Variants in FHIT observed in about 807,000 individuals in gnomAD.
The protein encoded by FHIT is fragile histidine triad diadenosine triphosphatase.
A neutral mutation model predicts 17.9 loss-of-function variants in FHIT; 19 were observed. The ratio of observed to expected loss-of-function variants is 1.06; its 90% CI spans 0.74 to 1.56. The LOEUF is 1.56. Among genes scored for constraint, FHIT ranks in the 40% most tolerant of loss-of-function variants. The probability of loss-of-function intolerance (pLI) is 0.00; values close to 1 mark genes in which losing one functional copy is unlikely to be tolerated. For missense variants in FHIT, 248 were observed against 189.2 expected, an observed-to-expected ratio of 1.31 and a Z score of -1.82; for synonymous variants, 81 against 69.7, an observed-to-expected ratio of 1.16 and a Z score of -0.81.
intron 3 of FHIT, among the ~76,000 whole-genome samples, chr3:60,972,813 T>C (rs1209392007): frequency 2.6e-5 from 4 of 152,186 alleles, no homozygotes; most frequent in Admixed American, 1.3e-4. Context: ...TTCCAGATCA[T>C]GAATCCTCTC....
At chr3:60,724,656 T>TG (rs1279927355) in intron 4 of FHIT, among the ~76,000 whole-genome samples, 1 of 141,222 alleles carries the variant, frequency 7.1e-6, no homozygotes, top group East Asian at 2.0e-4. Context: ...TGTTTTTTTT[T>TG]TTTGTTTTTT....
intron 5 of FHIT, among the ~76,000 whole-genome samples, chr3:60,513,530 A>G (rs1242447765): frequency 6.6e-6 from 1 of 152,232 alleles, no homozygotes; most frequent in South Asian, 2.1e-4. Flanking sequence ...AAGGATAACA[A>G]AGATAAGATT....
chr3:60,526,489 G>A (rs1346643890), intron 5 of FHIT, among the ~76,000 whole-genome samples: 2 of 152,108 alleles, frequency 1.3e-5, no homozygotes, highest in Non-Finnish European at 2.9e-5. Context: ...ACCTGCTGAG[G>A]TTGGTGCTTC....
intron 5 of FHIT, among the ~76,000 whole-genome samples, chr3:60,022,216 C>A (rs904500872): frequency 2.0e-5 from 3 of 152,046 alleles, no homozygotes; most frequent in African/African-American, 7.2e-5. Flanking sequence ...GAGTACATGT[C>A]CTATTAATCA....
rs530821417 is a variant in FHIT, at chr3:60,510,607, C to T, written c.103+26253G>A. 2.3e-4 allele frequency among the ~76,000 whole-genome samples: 32 copies of T among 141,084 alleles called. No individual in the cohort carries two copies. In the East Asian group the frequency reaches 4.7e-3, roughly 21 times the overall value. The allele number at this position is 141,084 out of a possible 152,430, so 92.6% of individuals were successfully genotyped here. ...TTAGAAAATGAGATCTCATGGGAGA[C>T]GATAAAGACCAGGCTTCCAAGACAG... On this transcript the variant is annotated intron_variant, in intron 5 of 9. Coordinates refer to ENST00000492590, the MANE Select transcript of FHIT (RefSeq NM_002012.4).
intron 8 of FHIT, among the ~76,000 whole-genome samples, chr3:59,773,967 A>G (rs1702187720): frequency 6.6e-6 from 1 of 152,230 alleles, no homozygotes; most frequent in South Asian, 2.1e-4. Flanking sequence ...TTAATTACCT[A>G]CTGAAATAAT....
chr3:61,137,080 G>C (rs2036936098), intron 2 of FHIT, among the ~76,000 whole-genome samples: 2 of 152,040 alleles, frequency 1.3e-5, no homozygotes, highest in African/African-American at 4.8e-5. Context: ...GGGAGGGAAG[G>C]AACTGGATAC....
chr3:59,803,411 G>A (rs113734904), intron 8 of FHIT, among the ~76,000 whole-genome samples: 1 of 152,158 alleles, frequency 6.6e-6, no homozygotes, highest in African/African-American at 2.4e-5. Flanking sequence ...TGGGTGAGCG[G>A]GCTTGCTTCC....
intron 5 of FHIT, among the ~76,000 whole-genome samples, chr3:60,445,432 C>T (rs988584051): frequency 6.6e-6 from 1 of 151,124 alleles, no homozygotes. Flanking sequence ...AAAGAAAGCA[C>T]ACTGCTGTGA....
chr3:60,215,607 T>C (rs1440113762), intron 5 of FHIT, among the ~76,000 whole-genome samples: 1 of 152,134 alleles, frequency 6.6e-6, no homozygotes, highest in East Asian at 1.9e-4. Flanking sequence ...AAGCATCAAA[T>C]GTGGATAGAA....
chr3:60,989,401 C>T lies in FHIT; in HGVS notation c.-111+52646G>A, dbSNP rs116127941. Among the ~76,000 whole-genome samples, 167 of 152,118 alleles carry T rather than the reference C, an allele frequency of 1.1e-3. 1 individual carries two copies. The highest frequency in any genetic ancestry group is 4.1e-3 in the Admixed American group (63 of 15,286). On this transcript the variant is annotated intron_variant, in intron 3 of 9. Coordinates refer to ENST00000492590, the MANE Select transcript of FHIT (RefSeq NM_002012.4). ...TGAACTCCTGGCCTCAAGTGATCCTCCCACCTCAGCCTCTGAAAGTCTTTT... is the reference window on the plus strand; with the variant it reads ...TGAACTCCTGGCCTCAAGTGATCCTTCCACCTCAGCCTCTGAAAGTCTTTT...
chr3:60,153,841 A>G (rs558601952), intron 5 of FHIT, among the ~76,000 whole-genome samples: 1 of 152,320 alleles, frequency 6.6e-6, no homozygotes, highest in African/African-American at 2.4e-5. Context: ...TCAATCATCC[A>G]TTCAACAGCT....
Position 60,442,291 on chromosome 3 carries a change from A to G in FHIT, c.103+94569T>C, listed in dbSNP as rs78149075. ...TAAGTGACAAAGACTTTTTACATAGAATCAAAAGAACTTCTGGTGGTGGGA... is the reference window on the plus strand; with the variant it reads ...TAAGTGACAAAGACTTTTTACATAGGATCAAAAGAACTTCTGGTGGTGGGA... On this transcript the variant is annotated intron_variant, in intron 5 of 9. Transcript: ENST00000492590. 9.2e-3 allele frequency among the ~76,000 whole-genome samples: 1,400 copies of G among 152,216 alleles called. 15 individuals carry two copies. The highest frequency in any genetic ancestry group is 0.028 in the East Asian group (147 of 5,160).
At chr3:60,805,518 C>T (rs1050075568) in intron 4 of FHIT, among the ~76,000 whole-genome samples, 3 of 152,024 alleles carry the variant, frequency 2.0e-5, no homozygotes, top group Non-Finnish European at 2.9e-5. Flanking sequence ...CTTATGACCT[C>T]ATTTAACATT....
At chr3:60,070,594 T>A (rs906224296) in intron 5 of FHIT, among the ~76,000 whole-genome samples, 3 of 152,156 alleles carry the variant, frequency 2.0e-5, no homozygotes, top group Admixed American at 6.5e-5. Context: ...ATTTGGGAGC[T>A]TTTGTCACAT....
chr3:61,203,041 G>A lies in FHIT; in HGVS notation c.-212-2376C>T, dbSNP rs1385206270. On this transcript the variant is annotated intron_variant, in intron 1 of 9. Coordinates refer to ENST00000492590, the MANE Select transcript of FHIT (RefSeq NM_002012.4). ...TAAAAATACAAAAAATTAGATGGGTGTGGTACCAGGCGCCTGTAGTCCCAG... is the reference window on the plus strand; with the variant it reads ...TAAAAATACAAAAAATTAGATGGGTATGGTACCAGGCGCCTGTAGTCCCAG... Among the ~76,000 whole-genome samples the A allele has an allele frequency of 2.6e-5, 4 of 152,098 alleles. No homozygotes were observed. The East Asian group carries it at 7.7e-4, about 29-fold the overall frequency.
At chr3:59,967,178 C>T (rs1325378742) in intron 7 of FHIT, among the ~76,000 whole-genome samples, 3 of 152,136 alleles carry the variant, frequency 2.0e-5, no homozygotes, top group African/African-American at 4.8e-5. Context: ...GAGCCGTCTT[C>T]TCCTATGATA....
chr3:60,963,609 C>G (rs1709569537), intron 3 of FHIT, among the ~76,000 whole-genome samples: 1 of 152,174 alleles, frequency 6.6e-6, no homozygotes, highest in Admixed American at 6.5e-5. Flanking sequence ...AAATATGTCC[C>G]AGAGATTCTG....
At chr3:60,634,392 C>G (rs1424239414) in intron 4 of FHIT, among the ~76,000 whole-genome samples, 1 of 152,132 alleles carries the variant, frequency 6.6e-6, no homozygotes, top group African/African-American at 2.4e-5. Flanking sequence ...AGAAGCTGCC[C>G]GAGTAGGGCA....
Sources: gnomAD v4.1 joint callset for allele counts (sites outside exome capture counted in the v4.1 genomes callset) on GRCh38, gnomAD v4.1.1 for gene constraint, MANE v1.5 for transcripts, NCBI Gene and HGNC (gene_info 2026-07-23, HGNC 2026-07-21) for gene names.